The following VGLL2 variants were observed in gnomAD, a reference collection of about 807,000 sequenced individuals.
The protein encoded by VGLL2 is transcription cofactor vestigial-like protein 2.
In VGLL2, 18 loss-of-function variants were observed where a neutral mutation model predicts 27.0. The ratio of observed to expected loss-of-function variants is 0.67; its 90% CI spans 0.46 to 0.99. VGLL2 has a LOEUF of 0.99. Ranked by LOEUF, VGLL2 falls within the 50% of genes least tolerant of loss-of-function variation. The probability of loss-of-function intolerance (pLI) is 0.00; values close to 1 mark genes in which losing one functional copy is unlikely to be tolerated. For missense variants in VGLL2, 491 were observed against 452.3 expected (o/e 1.09, Z -0.78); for synonymous variants, 220 against 201.1 (o/e 1.09, Z -0.80).
At chr6:117,266,457 T>C (rs73563067) in intron 1 of VGLL2, among the ~76,000 whole-genome samples, 5,012 of 152,336 alleles carry the variant, frequency 0.033, 260 homozygotes, top group African/African-American at 0.11. Context: ...GGAGTGCGAA[T>C]GACCCGGCAG....
chr6:117,272,309 G>T, intron 3 of VGLL2, 145 bp from the exon 4 acceptor site: 10 of 1,482,380 alleles, frequency 6.7e-6, no homozygotes, highest in South Asian at 4.3e-5. Context: ...CTATTTTCAG[G>T]TTTGCAGCCT....
chr6:117,269,399 AT>A (rs1197115284), intron 2 of VGLL2, among the ~76,000 whole-genome samples: 1 of 152,150 alleles, frequency 6.6e-6, no homozygotes. Context: ...ACAAATTTTC[AT>A]TTGTCTTTGG....
intron 1 of VGLL2, among the ~76,000 whole-genome samples, chr6:117,267,961 A>C (rs1174634363): frequency 6.6e-6 from 1 of 152,176 alleles, no homozygotes; most frequent in African/African-American, 2.4e-5. Flanking sequence ...CAAGGACAGC[A>C]ATCTTCCTTT....
rs773071077 is a variant in VGLL2 at position 117,270,789 on chromosome 6, C to A, written c.638C>A (p.Ala213Asp). The change falls in exon 3 of 4, where the codon GCC becomes GAC. Residue 213 changes from alanine (A) to aspartate (D), a missense_variant. Transcript: ENST00000326274. The part of the protein sequence containing the change: ...HPHHPYALGG[A>D]LGAQAAPYPR... ...CATCACCCCTACGCCCTGGGCGGCG[C>A]CCTCGGCGCCCAGGCCGCCCCCTAC... The A allele has an allele frequency of 2.1e-6, 3 of 1,445,482 alleles. No homozygotes were observed. The Admixed American group carries it at 7.8e-5, about 38-fold the overall frequency. 89.5% of individuals were successfully genotyped at this position (1,445,482 alleles called of 1,614,324 possible).
chr6:117,268,536 C>G, intron 2 of VGLL2, 45 bp downstream of exon 2: 6 of 1,508,002 alleles, frequency 4.0e-6, no homozygotes, highest in Non-Finnish European at 5.3e-6. Flanking sequence ...GGGGTCCTCT[C>G]AGCCTGGGGT....
chr6:117,271,330 A>AATAATAATAATAATAATG (rs1554217558), intron 3 of VGLL2, among the ~76,000 whole-genome samples: 38 of 139,742 alleles, frequency 2.7e-4, no homozygotes, highest in African/African-American at 7.2e-4. Context: ...TAATGATAAT[A>AATAATAATAATAATAATG]ATAATAATAA....
chr6:117,265,986 C>A (rs918542648), intron 1 of VGLL2, 142 bp downstream of exon 1: 1 of 736,304 alleles, frequency 1.4e-6, no homozygotes, highest in South Asian at 1.6e-5. Context: ...CGGGGATTGC[C>A]GGAGCCGCCC....
chr6:117,268,225 A>T lies in VGLL2; in HGVS notation c.125A>T (p.Asn42Ile). 1.2e-6 allele frequency: 2 copies of T among 1,614,188 alleles called. No homozygotes were observed. The highest frequency in any genetic ancestry group is 1.7e-6 in the Non-Finnish European group (2 of 1,180,032). The change falls in exon 2 of 4, where the codon AAT becomes ATT. Residue 42 changes from asparagine (N) to isoleucine (I), a missense_variant. By Grantham distance (149) the Asn-to-Ile change is moderately radical. Transcript: ENST00000326274. ...YSKMQEAQECNASPSSSGSGS... is the reference protein window; with the variant it reads ...YSKMQEAQECIASPSSSGSGS... ...AAAATGCAGGAAGCGCAGGAGTGCA[A>T]TGCCAGCCCCAGCAGCAGTGGCAGC...
At chr6:117,267,387 G>T (rs1773088070) in intron 1 of VGLL2, among the ~76,000 whole-genome samples, 2 of 152,036 alleles carry the variant, frequency 1.3e-5, no homozygotes, top group South Asian at 2.1e-4. Context: ...TCTTCTGTCT[G>T]CTCCTTTTTA....
At chr6:117,268,523 T>G (rs559778960) in intron 2 of VGLL2, 32 bp downstream of exon 2, 1 of 1,531,132 alleles carries the variant, frequency 6.5e-7, no homozygotes, top group African/African-American at 1.4e-5. Flanking sequence ...GAAGGACCCA[T>G]AGGGGGTCCT....
At position 117,270,717 on chromosome 6, in the gene VGLL2, G is replaced by A; in HGVS notation, c.566G>A (p.Gly189Asp). The A allele has an allele frequency of 6.5e-7, 1 of 1,527,474 alleles. No individual in the cohort carries two copies. Among genetic ancestry groups the A allele is most frequent in the Non-Finnish European group, 8.7e-7 (1 of 1,146,982 alleles). 94.6% of individuals were successfully genotyped at this position (1,527,474 alleles called of 1,614,324 possible). The change falls in exon 3 of 4, where the codon GGC (glycine) becomes GAC (aspartate). Residue 189 changes from glycine (G) to aspartate (D), a missense_variant. Transcript: ENST00000326274. The stretch of plus-strand genomic sequence containing the variant: ...GCGCTGCATGGCCACCTGCACCAGG[G>A]CGCCACGGAGCCCTGGCACCACGCG... ...PAALHGHLHQ[G>D]ATEPWHHAHP...
chr6:117,266,566 C>G (rs1261472802), intron 1 of VGLL2, among the ~76,000 whole-genome samples: 1 of 152,184 alleles, frequency 6.6e-6, no homozygotes, highest in East Asian at 1.9e-4. Context: ...CCACTCAACC[C>G]GGGTTCTGCA....
In VGLL2 at chr6:117,268,245, G is replaced by C; in HGVS notation, c.145G>C (p.Gly49Arg). ...GTGCAATGCCAGCCCCAGCAGCAGT[G>C]GCAGCGGCAGCTCCTCATTTTCCAG... is the stretch of plus-strand genomic sequence containing the variant. ...QECNASPSSS[G>R]SGSSSFSSQT... The change falls in exon 2 of 4, where the codon GGC becomes CGC. Residue 49 changes from glycine to arginine, a missense_variant. By Grantham distance (125) the Gly-to-Arg change is moderately radical. Transcript: ENST00000326274. 6.2e-7 allele frequency: 1 copy of C among 1,614,052 alleles called. No individual in the cohort carries two copies. The highest frequency in any genetic ancestry group is 2.2e-5 in the East Asian group (1 of 44,884).
rs1773241017 is a variant in VGLL2 at position 117,273,276 on chromosome 6, G to A, written c.*782G>A. 6.6e-6 allele frequency: 1 copy of A among 152,116 alleles called. No homozygotes were observed. Among genetic ancestry groups the A allele is most frequent in the Non-Finnish European group, 1.5e-5 (1 of 68,032 alleles). The allele number at this position is 152,116 out of a possible 1,614,324, so 9.4% of individuals were successfully genotyped here. A position where few individuals can be genotyped will look rare whatever the true frequency, so the allele number is the denominator to read the frequency against. Reference sequence around the variant, plus strand: ...ATATTTTTTACAAGGAACATTTTATGATGAAAGAAGAAACCCTTCTCTGCC... The same window carrying A: ...ATATTTTTTACAAGGAACATTTTATAATGAAAGAAGAAACCCTTCTCTGCC... On this transcript the variant is annotated 3_prime_UTR_variant, in exon 4 of 4. Coordinates refer to ENST00000326274, the MANE Select transcript of VGLL2 (RefSeq NM_182645.3).
rs918495337 is a variant in VGLL2, at chr6:117,272,503, C to G, written c.*9C>G. The G allele has an allele frequency of 6.2e-7, 1 of 1,614,134 alleles. No homozygotes were observed. Among genetic ancestry groups the G allele is most frequent in the Admixed American group, 1.7e-5 (1 of 60,014 alleles). ...CATCCCTCCTGAGCTGATCTGCTGA[C>G]CCAGGGTTTCCCCTTCCCCTTCCCT... On this transcript the variant is annotated 3_prime_UTR_variant, in exon 4 of 4. Transcript: ENST00000326274.
In VGLL2 at chr6:117,265,913, G is replaced by T. The variant is rs1256147807; in HGVS notation, c.81+69G>T. On this transcript the variant is annotated intron_variant, in intron 1 of 3. Transcript: ENST00000326274. ...CCGTTTGCGGCGGCATGGCCTGTAC[G>T]CCAAGGTCTGCTGTGCCTCCGCGCG... 5 of 1,390,122 alleles carry T rather than the reference G, an allele frequency of 3.6e-6. No homozygotes were observed. In the Admixed American group the frequency reaches 8.8e-5, roughly 25 times the overall value. The allele number at this position is 1,390,122 out of a possible 1,614,324, so 86.1% of individuals were successfully genotyped here. A position where few individuals can be genotyped will look rare whatever the true frequency, so the allele number is the denominator to read the frequency against.
Position 117,270,905 on chromosome 6 carries a change from G to GCCCGCCTCGCAACCGC in VGLL2, c.759_774dup (p.Ala259ProfsTer68), listed in dbSNP as rs1773179670. ...GATGCCAGCCGCCTCGGGGCGCCCG[G>GCCCGCCTCGCAACCGC]CCCGCCTCGCAACCGCCCCGGCGCC... is the stretch of plus-strand genomic sequence containing the variant. On this transcript the variant is annotated frameshift_variant, in exon 3 of 4. Transcript: ENST00000326274. LOFTEE classifies it high-confidence loss of function. 7.9e-7 allele frequency: 1 copy of GCCCGCCTCGCAACCGC among 1,262,380 alleles called. No individual in the cohort carries two copies. Among genetic ancestry groups the GCCCGCCTCGCAACCGC allele is most frequent in the South Asian group, 2.9e-5 (1 of 34,740 alleles). 78.2% of individuals were successfully genotyped at this position (1,262,380 alleles called of 1,614,324 possible).
At chr6:117,272,378 C>G in intron 3 of VGLL2, 76 bp from the exon 4 acceptor site, 3 of 1,613,398 alleles carry the variant, frequency 1.9e-6, no homozygotes, top group Middle Eastern at 1.7e-4. Flanking sequence ...CCCTGTAGGT[C>G]TCTGCATAGT....
chr6:117,273,315 A>AT lies in VGLL2; in HGVS notation c.*823dup, dbSNP rs1773242139. The AT allele has an allele frequency of 6.6e-6, 1 of 152,208 alleles. No individual in the cohort carries two copies. Among genetic ancestry groups the AT allele is most frequent in the Admixed American group, 6.5e-5 (1 of 15,288 alleles). 9.4% of individuals were successfully genotyped at this position (152,208 alleles called of 1,614,324 possible). On this transcript the variant is annotated 3_prime_UTR_variant, in exon 4 of 4. Coordinates refer to ENST00000326274, the MANE Select transcript of VGLL2 (RefSeq NM_182645.3). Reference sequence around the variant, plus strand: ...CCCTTCTCTGCCTTCTCTCCCACGAATTCTGTCCCTGTATCCTCTGGATGT... The same window carrying AT: ...CCCTTCTCTGCCTTCTCTCCCACGAATTTCTGTCCCTGTATCCTCTGGATGT...
Sources: allele counts gnomAD v4.1 joint callset (sites outside exome capture counted in the v4.1 genomes callset), GRCh38; gene constraint gnomAD v4.1.1; transcripts MANE v1.5; gene names NCBI Gene and HGNC (gene_info 2026-07-23, HGNC 2026-07-21).